PDE1A: variants seen among roughly 807,000 people sequenced by gnomAD.
PDE1A encodes the protein phosphodiesterase 1A.
PDE1A carries 35 observed loss-of-function variants against 61.7 expected under a neutral mutation model. The ratio of observed to expected loss-of-function variants is 0.57; its 90% CI spans 0.43 to 0.75. The LOEUF (loss-of-function observed/expected upper bound fraction) is 0.75, where lower values mean the gene tolerates loss of function less well. PDE1A is among the 30% of genes least tolerant of loss of function. The pLI, the probability that PDE1A is intolerant of heterozygous loss-of-function variation, is 0.00. For missense variants in PDE1A, 597 were observed against 630.6 expected (o/e 0.95, Z 0.57); for synonymous variants, 232 against 213.2 (o/e 1.09, Z -0.77).
At chr2:182,691,866 G>C in the PDE1A span, among the ~76,000 whole-genome samples, 1 of 151,786 alleles carries the variant, frequency 6.6e-6, no homozygotes, top group Non-Finnish European at 1.5e-5. Flanking sequence ...GTGGGCGAAG[G>C]ATATGAACAG....
At chr2:182,655,252 T>C in the PDE1A span, among the ~76,000 whole-genome samples, 2 of 152,196 alleles carry the variant, frequency 1.3e-5, no homozygotes, top group Non-Finnish European at 2.9e-5. Flanking sequence ...CCCACTTCCC[T>C]GAGCTTCTAA....
chr2:182,351,365 T>C (rs1165367907), intron 1 of PDE1A, among the ~76,000 whole-genome samples: 6 of 152,204 alleles, frequency 3.9e-5, no homozygotes, highest in Non-Finnish European at 5.9e-5. Flanking sequence ...TAGTCATTTG[T>C]TTTTATCCAA....
the PDE1A span, among the ~76,000 whole-genome samples, chr2:182,553,075 C>T: frequency 3.3e-5 from 5 of 152,316 alleles, no homozygotes; most frequent in Admixed American, 6.5e-5. Context: ...TCATCCTAAT[C>T]GAGCTAAACA....
At chr2:182,245,656 T>G (rs1185488326) in intron 2 of PDE1A, among the ~76,000 whole-genome samples, 1 of 150,516 alleles carries the variant, frequency 6.6e-6, no homozygotes, top group African/African-American at 2.4e-5. Flanking sequence ...GTAATATGCA[T>G]TTTTCTCCAT....
At chr2:182,489,105 C>A (rs1052211743) in intron 2 of PDE1A, among the ~76,000 whole-genome samples, 3 of 152,060 alleles carry the variant, frequency 2.0e-5, no homozygotes, top group African/African-American at 7.2e-5. Context: ...TTCTGAGAGA[C>A]GACATTTGAG....
At chr2:182,655,749 A>G in the PDE1A span, among the ~76,000 whole-genome samples, 1 of 152,200 alleles carries the variant, frequency 6.6e-6, no homozygotes, top group African/African-American at 2.4e-5. Context: ...ACAGCACAGG[A>G]GAATAAAGGG....
chr2:182,238,277 A>AAAAAAAAAAAAAAG (rs1199781414), intron 3 of PDE1A, among the ~76,000 whole-genome samples: 1 of 150,700 alleles, frequency 6.6e-6, no homozygotes, highest in African/African-American at 2.5e-5. Flanking sequence ...AAAAAAAAAA[A>AAAAAAAAAAAAAAG]AAAAAGAAAA....
chr2:182,475,188 T>C (rs886480199), intron 2 of PDE1A, among the ~76,000 whole-genome samples: 17 of 151,884 alleles, frequency 1.1e-4, no homozygotes, highest in South Asian at 2.1e-4. Context: ...ATGGCAACAA[T>C]GGACTTCAGG....
At chr2:182,425,642 C>T (rs1322447470) in intron 1 of PDE1A, among the ~76,000 whole-genome samples, 2 of 152,124 alleles carry the variant, frequency 1.3e-5, no homozygotes, top group African/African-American at 4.8e-5. Context: ...GAGGTCTACT[C>T]ATTCATTATG....
chr2:182,202,667 A>G (rs1686764253), intron 8 of PDE1A, among the ~76,000 whole-genome samples: 1 of 152,180 alleles, frequency 6.6e-6, no homozygotes, highest in African/African-American at 2.4e-5. Flanking sequence ...TAAAGTGAGT[A>G]GTGATTTTCT....
At chr2:182,462,968 C>A (rs1046845058) in intron 2 of PDE1A, among the ~76,000 whole-genome samples, 1 of 152,062 alleles carries the variant, frequency 6.6e-6, no homozygotes, top group South Asian at 2.1e-4. Context: ...AGGCCGGGTG[C>A]GGTGGCTCAC....
intron 2 of PDE1A, among the ~76,000 whole-genome samples, chr2:182,437,397 A>T (rs1374731544): frequency 1.3e-5 from 2 of 151,916 alleles, no homozygotes; most frequent in Non-Finnish European, 2.9e-5. Context: ...CTTTTCTCTA[A>T]ATCACTTCAT....
chr2:182,261,680 T>C (rs962372597), intron 2 of PDE1A, among the ~76,000 whole-genome samples: 1 of 152,072 alleles, frequency 6.6e-6, no homozygotes, highest in African/African-American at 2.4e-5. Flanking sequence ...TAATATACAT[T>C]TAAATGAGTT....
intron 1 of PDE1A, among the ~76,000 whole-genome samples, chr2:182,301,908 T>C (rs2118484): frequency 0.2 from 31,076 of 152,150 alleles, 3,287 homozygotes; most frequent in Admixed American, 0.28. Flanking sequence ...GAGAGGAATC[T>C]AGAATGAGTG....
the PDE1A span, among the ~76,000 whole-genome samples, chr2:182,574,901 AG>A: frequency 6.6e-6 from 1 of 152,178 alleles, no homozygotes; most frequent in Admixed American, 6.5e-5. Context: ...TATGTTGGCC[AG>A]GCTGGTCTTG....
intron 4 of PDE1A, among the ~76,000 whole-genome samples, chr2:182,232,632 C>T (rs972335831): frequency 1.3e-5 from 2 of 152,128 alleles, no homozygotes; most frequent in African/African-American, 4.8e-5. Context: ...TTGCATTTGG[C>T]CCTTATTTGA....
At chr2:182,349,653 C>T (rs147421728) in intron 1 of PDE1A, among the ~76,000 whole-genome samples, 10 of 151,996 alleles carry the variant, frequency 6.6e-5, no homozygotes, top group African/African-American at 1.7e-4. Context: ...ACACAAACAT[C>T]GGAGGCTGAG....
intron 1 of PDE1A, among the ~76,000 whole-genome samples, chr2:182,386,780 C>T (rs982202772): frequency 3.3e-5 from 5 of 151,660 alleles, no homozygotes; most frequent in Admixed American, 6.6e-5. Context: ...CCCGGCCAGC[C>T]GCCCTGTCTG....
At chr2:182,487,095 A>AT (rs1424654851) in intron 2 of PDE1A, among the ~76,000 whole-genome samples, 2 of 152,176 alleles carry the variant, frequency 1.3e-5, no homozygotes, top group African/African-American at 2.4e-5. Context: ...CATCTTAAAA[A>AT]TTGGCAAAAG....
Sources: gnomAD v4.1 joint callset for allele counts (sites outside exome capture counted in the v4.1 genomes callset) on GRCh38, gnomAD v4.1.1 for gene constraint, MANE v1.5 for transcripts, NCBI Gene and HGNC (gene_info 2026-07-23, HGNC 2026-07-21) for gene names.